LRRIQ3: variants seen among roughly 807,000 people sequenced by gnomAD.
The protein encoded by LRRIQ3 is leucine-rich repeat and IQ domain-containing protein 3.
Under a neutral mutation model 59.3 loss-of-function variants are expected in LRRIQ3, and 75 were observed. That is an observed-to-expected ratio of 1.26 (90% CI 1.05 to 1.53). The LOEUF (loss-of-function observed/expected upper bound fraction) is 1.53. Among genes scored for constraint, LRRIQ3 ranks in the 40% most tolerant of loss-of-function variants. The pLI is 0.00. For synonymous variants in LRRIQ3, 250 were observed against 231.3 expected, an observed-to-expected ratio of 1.08 and a Z score of -0.73; for missense variants, 831 against 710.0, an observed-to-expected ratio of 1.17 and a Z score of -1.94.
chr1:74,119,974 T>C (rs1450107019), intron 4 of LRRIQ3, among the ~76,000 whole-genome samples: 1 of 152,150 alleles, frequency 6.6e-6, no homozygotes, highest in Non-Finnish European at 1.5e-5. Context: ...TGAAATCACT[T>C]ATGTTTAAAC....
At chr1:74,076,163 G>A (rs1646207589) in intron 5 of LRRIQ3, among the ~76,000 whole-genome samples, 1 of 152,002 alleles carries the variant, frequency 6.6e-6, no homozygotes, top group Non-Finnish European at 1.5e-5. Flanking sequence ...GAGGGTATGT[G>A]TTTACATATT....
chr1:74,196,999 C>T (rs1488332159), intron 1 of LRRIQ3, among the ~76,000 whole-genome samples: 1 of 152,226 alleles, frequency 6.6e-6, no homozygotes, highest in Non-Finnish European at 1.5e-5. Flanking sequence ...CCTTTGTTCT[C>T]TCTCTGACCT....
chr1:74,074,737 C>T lies in LRRIQ3; in HGVS notation c.921G>A (p.Val307=). The T allele has an allele frequency of 6.9e-7, 1 of 1,446,580 alleles. No individual in the cohort carries two copies. Among genetic ancestry groups the T allele is most frequent in the South Asian group, 1.4e-5 (1 of 70,212 alleles). The allele number at this position is 1,446,580 out of a possible 1,614,324, so 89.6% of individuals were successfully genotyped here. A position where few individuals can be genotyped will look rare whatever the true frequency, so the allele number is the denominator to read the frequency against. ...GTTTTAATTCACATAAAATAGATGA[C>T]ACATGTTTTCTGTGTTCACTGGAAT... ...LKNSSEHRKH[V]SSILCELKPK... The change falls in exon 6 of 8, where the codon GTG becomes GTA. Residue 307 remains valine (V), a synonymous_variant. Transcript: ENST00000354431.
At chr1:74,118,011 T>C (rs1393810901) in intron 4 of LRRIQ3, among the ~76,000 whole-genome samples, 1 of 151,920 alleles carries the variant, frequency 6.6e-6, no homozygotes, top group South Asian at 2.1e-4. Context: ...AAATAAAACA[T>C]AACCATTTAA....
rs184637838 is a variant in LRRIQ3, at chr1:74,096,954, C to T, written c.867+12440G>A. 1.1e-4 allele frequency among the ~76,000 whole-genome samples: 17 copies of T among 152,210 alleles called. No individual in the cohort carries two copies. In the East Asian group the frequency reaches 2.5e-3, roughly 23 times the overall value. On this transcript the variant is annotated intron_variant, in intron 5 of 7. Coordinates refer to ENST00000354431, the MANE Select transcript of LRRIQ3 (RefSeq NM_001105659.2). ...CCGGCTGTGTGGAGTGTCAGTCTCC[C>T]CCTACTGGGGGATGCCTCCCAGTTA...
chr1:74,160,302 A>G (rs558685785), intron 3 of LRRIQ3, among the ~76,000 whole-genome samples: 1 of 151,928 alleles, frequency 6.6e-6, no homozygotes, highest in South Asian at 2.1e-4. Flanking sequence ...AATGCTTTCC[A>G]CTCTGCCTCA....
intron 4 of LRRIQ3, among the ~76,000 whole-genome samples, chr1:74,155,284 A>G (rs916406851): frequency 1.3e-5 from 2 of 152,248 alleles, no homozygotes; most frequent in Admixed American, 1.3e-4. Flanking sequence ...AATTCTAGCA[A>G]AAAGGTTTCC....
At chr1:74,176,976 G>A (rs1479486043) in intron 3 of LRRIQ3, among the ~76,000 whole-genome samples, 3 of 152,180 alleles carry the variant, frequency 2.0e-5, no homozygotes, top group South Asian at 2.1e-4. Flanking sequence ...ATGGGCGAAT[G>A]TGAGACCACA....
chr1:74,101,152 C>A (rs551452877), intron 5 of LRRIQ3, among the ~76,000 whole-genome samples: 57 of 152,204 alleles, frequency 3.7e-4, no homozygotes, highest in African/African-American at 1.3e-3. Context: ...TTTTTGCAAT[C>A]TACTCATCTG....
At position 74,026,691 on chromosome 1, in the gene LRRIQ3, T is replaced by TTA. The variant is rs1653525801; in HGVS notation, c.*120_*121dup. 2 of 744,004 alleles carry TTA rather than the reference T, an allele frequency of 2.7e-6. No individual in the cohort carries two copies. The highest frequency in any genetic ancestry group is 4.1e-5 in the South Asian group (2 of 49,310). The allele number at this position is 744,004 out of a possible 1,614,324, so 46.1% of individuals were successfully genotyped here. On this transcript the variant is annotated 3_prime_UTR_variant, in exon 8 of 8. Coordinates refer to ENST00000354431, the MANE Select transcript of LRRIQ3 (RefSeq NM_001105659.2). ...ACTAATCTTTATATTTTTAGAAGAC[T>TTA]TATATATAAATCCATCTTGTGATGT... is the stretch of plus-strand genomic sequence containing the variant.
At chr1:74,130,385 A>G (rs951487414) in intron 4 of LRRIQ3, among the ~76,000 whole-genome samples, 1 of 152,084 alleles carries the variant, frequency 6.6e-6, no homozygotes, top group African/African-American at 2.4e-5. Context: ...GTGACAGGGC[A>G]GCACTAAATT....
rs1411636716 is a variant in LRRIQ3, at chr1:74,041,442, CT to C, written c.1488del (p.Ala497LeufsTer9). ...AGAAACAGAGCTTTTCTCTCTCTAG[CT>C]TTTTCAAGGTAGTTGAATCTGTTTT... The part of the protein sequence containing the change: ...VWQNRFNYLE[K>X]ARERKALFLK... On this transcript the variant is annotated frameshift_variant, in exon 7 of 8. Transcript: ENST00000354431. LOFTEE classifies it high-confidence loss of function. 2.5e-6 allele frequency: 4 copies of C among 1,613,688 alleles called. No individual in the cohort carries two copies. In the South Asian group the frequency reaches 4.4e-5, roughly 18 times the overall value.
intron 4 of LRRIQ3, among the ~76,000 whole-genome samples, chr1:74,130,325 T>A (rs1487886525): frequency 6.6e-6 from 1 of 152,114 alleles, no homozygotes; most frequent in Non-Finnish European, 1.5e-5. Flanking sequence ...CTGATCTCAA[T>A]GCACATTCCA....
At chr1:74,159,715 G>T (rs1648551277) in intron 3 of LRRIQ3, among the ~76,000 whole-genome samples, 1 of 152,032 alleles carries the variant, frequency 6.6e-6, no homozygotes, top group Admixed American at 6.5e-5. Flanking sequence ...GTAATCTCCT[G>T]TCAGACATTC....
chr1:74,050,139 C>T (rs1570029134), intron 6 of LRRIQ3, among the ~76,000 whole-genome samples: 1 of 151,772 alleles, frequency 6.6e-6, no homozygotes, highest in Non-Finnish European at 1.5e-5. Context: ...GATCAGGCTG[C>T]TCTCAAACTC....
At chr1:74,175,897 C>G (rs1037882247) in intron 3 of LRRIQ3, among the ~76,000 whole-genome samples, 5 of 152,176 alleles carry the variant, frequency 3.3e-5, no homozygotes, top group African/African-American at 1.2e-4. Context: ...AACCTTATCC[C>G]TCTTAACATC....
intron 6 of LRRIQ3, among the ~76,000 whole-genome samples, chr1:74,072,338 G>A (rs1324284095): frequency 6.6e-6 from 1 of 152,032 alleles, no homozygotes; most frequent in African/African-American, 2.4e-5. Flanking sequence ...TTACTGAGGT[G>A]AGCTTCTCTT....
intron 3 of LRRIQ3, among the ~76,000 whole-genome samples, chr1:74,161,611 G>T (rs1446217237): frequency 6.6e-6 from 1 of 151,812 alleles, no homozygotes; most frequent in Non-Finnish European, 1.5e-5. Flanking sequence ...GAATTTAGAT[G>T]ATTAGAACCA....
chr1:74,046,177 T>C (rs1253717582), intron 6 of LRRIQ3, among the ~76,000 whole-genome samples: 1 of 152,112 alleles, frequency 6.6e-6, no homozygotes, highest in Non-Finnish European at 1.5e-5. Flanking sequence ...AGAACAAAGC[T>C]GGAGGCATCA....
Sources: gnomAD v4.1 joint callset for allele counts (sites outside exome capture counted in the v4.1 genomes callset) on GRCh38, gnomAD v4.1.1 for gene constraint, MANE v1.5 for transcripts, NCBI Gene and HGNC (gene_info 2026-07-23, HGNC 2026-07-21) for gene names.